The following LMNA variants were observed in gnomAD, a reference collection of about 807,000 sequenced individuals.
LMNA encodes the protein lamin.
LMNA carries 20 observed loss-of-function variants against 70.4 expected under a neutral mutation model. That is an observed-to-expected ratio of 0.28 (90% CI 0.20 to 0.41). The LOEUF is 0.41. LMNA is among the 10% of genes least tolerant of loss of function. The pLI is 1.00. For missense variants in LMNA, 652 were observed against 917.2 expected (o/e 0.71, Z 3.73); for synonymous variants, 339 against 372.8 (o/e 0.91, Z 1.04).
At chr1:156,121,453 C>A (rs1650182088) in intron 1 of LMNA, among the ~76,000 whole-genome samples, 3 of 152,110 alleles carry the variant, frequency 2.0e-5, no homozygotes, top group African/African-American at 4.8e-5. Context: ...ACTAGGACCC[C>A]CTATTGCCTT....
At chr1:156,114,297 G>A (rs369818350), upstream of LMNA, among the ~76,000 whole-genome samples, 43 of 152,290 alleles carry the variant, frequency 2.8e-4, 1 homozygote, top group South Asian at 8.9e-3. Context: ...GAGTCACACT[G>A]ATGGGCACCA....
At chr1:156,094,511 G>A (rs1572315187) in intron 3 of LMNA, among the ~76,000 whole-genome samples, 1 of 151,510 alleles carries the variant, frequency 6.6e-6, no homozygotes, top group African/African-American at 2.4e-5. Context: ...GCTAATTTTT[G>A]TATTTTTAGT....
In LMNA at chr1:156,129,701, T is replaced by C. The variant is rs555861008; in HGVS notation, c.357-916T>C. The C allele has an allele frequency of 1.8e-5, 11 of 613,008 alleles. No individual in the cohort carries two copies. The South Asian group carries it at 2.2e-4, about 12-fold the overall frequency. The allele number at this position is 613,008 out of a possible 1,614,324, so 38.0% of individuals were successfully genotyped here. On this transcript the variant is annotated intron_variant, in intron 1 of 11. Coordinates refer to ENST00000368300, the MANE Select transcript of LMNA (RefSeq NM_170707.4). Reference sequence around the variant, plus strand: ...GGTTCTCTGGAGGTTTTTAAGAAAATAGGACCTTTCTATTTCTCCAGTCCA... The same window carrying C: ...GGTTCTCTGGAGGTTTTTAAGAAAACAGGACCTTTCTATTTCTCCAGTCCA...
chr1:156,124,162 T>C (rs1572343547), intron 1 of LMNA, among the ~76,000 whole-genome samples: 1 of 151,786 alleles, frequency 6.6e-6, no homozygotes, highest in East Asian at 1.9e-4. Context: ...GGAGTCGGGG[T>C]GTTTCATCCT....
At position 156,137,034 on chromosome 1, in the gene LMNA, T is replaced by C. The variant is rs369642101; in HGVS notation, c.1488+6T>C. The C allele has an allele frequency of 6.2e-7, 1 of 1,614,034 alleles. No individual in the cohort carries two copies. Among genetic ancestry groups the C allele is most frequent in the South Asian group, 1.1e-5 (1 of 91,072 alleles). On this transcript the variant is annotated splice_donor_region_variant and intron_variant, in intron 8 of 11. Coordinates refer to ENST00000368300, the MANE Select transcript of LMNA (RefSeq NM_170707.4). The surrounding 1 kb of genome is among the most constrained non-coding windows in gnomAD (Gnocchi z 4.6). ...AGGCTGGGCAGGTGGTGACGGTGAG[T>C]GGCAGGGCGCTTGGGACTCTGGGGA...
upstream of LMNA, among the ~76,000 whole-genome samples, chr1:156,109,292 C>T (rs915180): frequency 0.49 from 74,091 of 152,002 alleles, 19,269 homozygotes; most frequent in East Asian, 0.79. Context: ...GTGCTCCTGA[C>T]TCTTTCTTCA....
intron 3 of LMNA, among the ~76,000 whole-genome samples, chr1:156,093,148 C>G (rs186974003): frequency 1.4e-3 from 212 of 152,106 alleles, no homozygotes; most frequent in African/African-American, 4.1e-3. Context: ...CTTGGCCCCC[C>G]CAAAGTGCTG....
At chr1:156,130,307 G>T (rs1650932127) in intron 1 of LMNA, among the ~76,000 whole-genome samples, 2 of 152,146 alleles carry the variant, frequency 1.3e-5, no homozygotes, top group African/African-American at 4.8e-5. Context: ...CTTTGGGAAA[G>T]AATGGGAGGA....
intron 3 of LMNA, among the ~76,000 whole-genome samples, chr1:156,095,287 C>T (rs113274970): frequency 2.6e-5 from 4 of 152,022 alleles, no homozygotes; most frequent in Non-Finnish European, 5.9e-5. Context: ...TGATCGCTCT[C>T]CATGAATAAG....
rs1558131561 is a variant in LMNA, at chr1:156,136,149, C to CT, written c.1157+29dup. 3 of 1,613,256 alleles carry CT rather than the reference C, an allele frequency of 1.9e-6. No homozygotes were observed. The highest frequency in any genetic ancestry group is 2.5e-6 in the Non-Finnish European group (3 of 1,179,578). On this transcript the variant is annotated intron_variant, in intron 6 of 11. Coordinates refer to ENST00000368300, the MANE Select transcript of LMNA (RefSeq NM_170707.4). This position sits in a 1 kb window ranked among gnomAD's most constrained non-coding sequence, Gnocchi z 6.1. ...GGGCTGGGGAGACGTCGGGGAGGTGCTGGCAGTGTCCTCTGGCCGGCAACT... is the reference window on the plus strand; with the variant it reads ...GGGCTGGGGAGACGTCGGGGAGGTGCTTGGCAGTGTCCTCTGGCCGGCAACT...
At chr1:156,127,457 T>A (rs932964765) in intron 1 of LMNA, among the ~76,000 whole-genome samples, 2 of 151,892 alleles carry the variant, frequency 1.3e-5, no homozygotes, top group African/African-American at 4.8e-5. Context: ...TCTCCTCTCT[T>A]TGCAGTGCTA....
intron 1 of LMNA, among the ~76,000 whole-genome samples, chr1:156,118,761 G>T (rs1362868528): frequency 6.6e-6 from 1 of 152,142 alleles, no homozygotes; most frequent in African/African-American, 2.4e-5. Flanking sequence ...GGTGTTGTCT[G>T]GTTTAATGTT....
Position 156,130,642 on chromosome 1 carries a change from A to T in LMNA, c.382A>T (p.Ile128Leu). ...ARNTKKEGDL[I>L]AAQARLKDLE... ...CAATACCAAGAAGGAGGGTGACCTG[A>T]TAGCTGCTCAGGCTCGGCTGAAGGA... The change falls in exon 2 of 12, where the codon ATA (isoleucine) becomes TTA (leucine). Residue 128 changes from isoleucine to leucine, a missense_variant. Transcript: ENST00000368300. 6.2e-7 allele frequency: 1 copy of T among 1,614,044 alleles called. No individual in the cohort carries two copies. The highest frequency in any genetic ancestry group is 8.5e-7 in the Non-Finnish European group (1 of 1,180,016).
At chr1:156,104,017 C>T (rs1433657480) in intron 3 of LMNA, among the ~76,000 whole-genome samples, 2 of 152,214 alleles carry the variant, frequency 1.3e-5, no homozygotes, top group African/African-American at 4.8e-5. Flanking sequence ...CCCCCCTTCA[C>T]AGCCCCCACT....
In LMNA at chr1:156,134,858, T is replaced by C. The variant is rs886043393; in HGVS notation, c.693T>C (p.Asn231=). Reference sequence around the variant, plus strand: ...AGACCCGACTGGTGGAGATTGACAATGGGAAGCAGCGTGAGTTTGAGAGCC... The same window carrying C: ...AGACCCGACTGGTGGAGATTGACAACGGGAAGCAGCGTGAGTTTGAGAGCC... ...RHETRLVEID[N]GKQREFESRL... is the part of the protein sequence containing the mutation. The change falls in exon 4 of 12, where the codon AAT becomes AAC. Residue 231 remains asparagine (N), a synonymous_variant. Transcript: ENST00000368300. This position sits in a 1 kb window ranked among gnomAD's most constrained non-coding sequence, Gnocchi z 5.3. The C allele has an allele frequency of 1.2e-6, 2 of 1,614,004 alleles. No homozygotes were observed. Among genetic ancestry groups the C allele is most frequent in the Non-Finnish European group, 1.7e-6 (2 of 1,179,984 alleles).
intron 1 of LMNA, among the ~76,000 whole-genome samples, chr1:156,122,273 T>C (rs899381381): frequency 1.3e-5 from 2 of 152,158 alleles, no homozygotes; most frequent in Non-Finnish European, 2.9e-5. Context: ...CTCCCCTTTC[T>C]GGCTTTCCTT....
Position 156,140,059 on chromosome 1 carries a change from A to T in LMNA, c.*953A>T. ...ATCTGCACCCCTTCTCTCCTCCCCA[A>T]ATCAATACACTAGTTGTTTCTACCC... is the stretch of plus-strand genomic sequence containing the variant. On this transcript the variant is annotated 3_prime_UTR_variant, in exon 12 of 12. Coordinates refer to ENST00000368300, the MANE Select transcript of LMNA (RefSeq NM_170707.4). The T allele has an allele frequency of 4.0e-6, 2 of 494,648 alleles. No homozygotes were observed. The highest frequency in any genetic ancestry group is 4.9e-5 in the South Asian group (2 of 41,136). The allele number at this position is 494,648 out of a possible 1,614,324, so 30.6% of individuals were successfully genotyped here.
chr1:156,093,299 ATTTTTTTT>A (rs758670532), intron 3 of LMNA, among the ~76,000 whole-genome samples: 2 of 113,946 alleles, frequency 1.8e-5, no homozygotes, highest in Non-Finnish European at 3.5e-5. Flanking sequence ...TTATATGTCA[ATTTTTTTT>A]TTTTTTTTTT....
Position 156,137,675 on chromosome 1 carries a change from G to A in LMNA, c.1630G>A (p.Val544Met), listed in dbSNP as rs1334619174. Residue 544 changes from valine (V) to methionine (M), a missense_variant, in exon 10 of 12, where the codon GTG (valine) becomes ATG (methionine). Physicochemically the swap from Val to Met is conservative, Grantham distance 21. This residue lies in a region of LMNA where 327 missense variants were observed against 387.6 expected (regional missense o/e 0.84). Transcript: ENST00000368300. This position sits in a 1 kb window ranked among gnomAD's most constrained non-coding sequence, Gnocchi z 4.6. ...CCAGGAAGTGGCCATGCGCAAGCTG[G>A]TGCGCTCAGTGACTGTGGTTGAGGA... ...TGEEVAMRKL[V>M]RSVTVVEDDE... is the part of the protein sequence containing the mutation. 1.3e-6 allele frequency: 2 copies of A among 1,554,948 alleles called. No individual in the cohort carries two copies. Among genetic ancestry groups the A allele is most frequent in the Non-Finnish European group, 1.7e-6 (2 of 1,148,610 alleles).
Sources: gnomAD v4.1 joint callset for allele counts (sites outside exome capture counted in the v4.1 genomes callset) on GRCh38, gnomAD v4.1.1 for gene constraint, gnomAD v4.1.1 regional missense constraint, Gnocchi (gnomAD v3.1) non-coding constraint, MANE v1.5 for transcripts, NCBI Gene and HGNC (gene_info 2026-07-23, HGNC 2026-07-21) for gene names.